UNC13B: variants seen among roughly 807,000 people sequenced by gnomAD.
UNC13B encodes unc-13 homolog B.
Under a neutral mutation model 211.0 loss-of-function variants are expected in UNC13B, and 144 were observed. That is an observed-to-expected ratio of 0.68 (90% CI 0.60 to 0.78). UNC13B has a LOEUF of 0.78. Ranked by LOEUF, UNC13B falls within the 30% of genes least tolerant of loss-of-function variation. UNC13B has a pLI of 0.00. For missense variants in UNC13B, 1,777 were observed against 2,002.0 expected (o/e 0.89, Z 2.14); for synonymous variants, 709 against 725.8 (o/e 0.98, Z 0.37).
chr9:35,263,326 T>C (rs1827384829), intron 7 of UNC13B, among the ~76,000 whole-genome samples: 1 of 137,318 alleles, frequency 7.3e-6, no homozygotes, highest in South Asian at 2.3e-4. Context: ...AATAGGAACA[T>C]TTTCATGGAA....
At chr9:35,202,378 T>G (rs984581979) in intron 1 of UNC13B, among the ~76,000 whole-genome samples, 5 of 151,962 alleles carry the variant, frequency 3.3e-5, no homozygotes, top group Admixed American at 6.6e-5. Context: ...GTTCAATTCT[T>G]GGTGAGTTCA....
At chr9:35,398,677 A>G (rs772620884) in intron 32 of UNC13B, 35 bp downstream of exon 32, 1 of 1,610,084 alleles carries the variant, frequency 6.2e-7, no homozygotes, top group East Asian at 2.2e-5. Context: ...CCTCAGAGCC[A>G]GATGTGGTCC....
At chr9:35,253,142 T>G (rs1826613371) in intron 6 of UNC13B, among the ~76,000 whole-genome samples, 1 of 152,166 alleles carries the variant, frequency 6.6e-6, no homozygotes, top group Non-Finnish European at 1.5e-5. Flanking sequence ...TTCAGCCCAT[T>G]GCAATCATTC....
chr9:35,179,789 C>G (rs1171344939), intron 1 of UNC13B, among the ~76,000 whole-genome samples: 1 of 152,060 alleles, frequency 6.6e-6, no homozygotes, highest in Non-Finnish European at 1.5e-5. Context: ...GAGTAAGACT[C>G]TGTTTCAAAA....
At chr9:35,230,836 G>T (rs1379958552) in intron 2 of UNC13B, among the ~76,000 whole-genome samples, 1 of 151,998 alleles carries the variant, frequency 6.6e-6, no homozygotes, top group Non-Finnish European at 1.5e-5. Flanking sequence ...TCATGAATCT[G>T]TTTCAGTTTG....
At chr9:35,196,493 G>T (rs1002967067) in intron 1 of UNC13B, among the ~76,000 whole-genome samples, 4 of 152,244 alleles carry the variant, frequency 2.6e-5, no homozygotes, top group African/African-American at 7.2e-5. Context: ...TGAGGGTTAG[G>T]TACAGTTCTT....
intron 8 of UNC13B, among the ~76,000 whole-genome samples, chr9:35,297,031 T>C (rs192826350): frequency 3.4e-4 from 52 of 152,208 alleles, no homozygotes; most frequent in African/African-American, 1.2e-3. Flanking sequence ...TCATGTTTCC[T>C]TAGCTTCCTT....
chr9:35,272,248 T>G (rs13295929), intron 7 of UNC13B, among the ~76,000 whole-genome samples: 6 of 147,634 alleles, frequency 4.1e-5, no homozygotes, highest in East Asian at 3.9e-4. Flanking sequence ...GTTTTTTTTG[T>G]TTTTTTTTGT....
chr9:35,217,766 G>A (rs1344388848), intron 1 of UNC13B, among the ~76,000 whole-genome samples: 1 of 152,152 alleles, frequency 6.6e-6, no homozygotes, highest in Non-Finnish European at 1.5e-5. Context: ...AATTAAGGCT[G>A]GGTGCGGTGG....
At chr9:35,385,449 T>C (rs543462476) in intron 22 of UNC13B, 13 of 985,474 alleles carry the variant, frequency 1.3e-5, no homozygotes, top group Non-Finnish European at 1.6e-5. Flanking sequence ...TGTGTTCCTT[T>C]GTACAAGTGC....
chr9:35,248,444 T>C (rs1218543975), intron 6 of UNC13B, among the ~76,000 whole-genome samples: 5 of 152,210 alleles, frequency 3.3e-5, no homozygotes, highest in East Asian at 1.9e-4. Context: ...TTAATTGTGA[T>C]GTTAGGGTGT....
At chr9:35,338,355 G>T (rs1356498709) in intron 11 of UNC13B, among the ~76,000 whole-genome samples, 2 of 152,108 alleles carry the variant, frequency 1.3e-5, no homozygotes, top group Non-Finnish European at 2.9e-5. Context: ...GGCCTGCCTT[G>T]CAGCTTGTCG....
intron 7 of UNC13B, among the ~76,000 whole-genome samples, chr9:35,275,391 T>A (rs376252702): frequency 6.6e-6 from 1 of 152,262 alleles, no homozygotes; most frequent in East Asian, 1.9e-4. Context: ...TGTATAGGAG[T>A]TTTAAAATAT....
rs1362601960 is a variant in UNC13B, at chr9:35,300,869, A to G, written c.1465A>G (p.Thr489Ala). The G allele has an allele frequency of 5.0e-6, 2 of 398,862 alleles. No homozygotes were observed. The highest frequency in any genetic ancestry group is 4.1e-5 in the African/African-American group (2 of 48,628). The allele number at this position is 398,862 out of a possible 1,614,324, so 24.7% of individuals were successfully genotyped here. The change falls in exon 9 of 40, where the codon ACT becomes GCT. Residue 489 changes from threonine (T) to alanine (A), a missense_variant. Coordinates refer to ENST00000635942, the MANE Select transcript of UNC13B (RefSeq NM_001371189.2). ...TAATAGATTTGGTTCACTTTCAAAA[A>G]CTAAAAAATCACATAAACAAAATAG... ...EINRFGSLSK[T>A]KKSHKQNSTL...
chr9:35,190,955 T>C (rs1483159955), intron 1 of UNC13B, among the ~76,000 whole-genome samples: 1 of 152,020 alleles, frequency 6.6e-6, no homozygotes, highest in East Asian at 1.9e-4. Context: ...GTGTACAAGG[T>C]ATTTTCTTTT....
In UNC13B at chr9:35,291,997, C is replaced by T. The variant is rs888615120; in HGVS notation, c.527-3699C>T. Among the ~76,000 whole-genome samples the T allele has an allele frequency of 5.9e-5, 9 of 152,130 alleles. No individual in the cohort carries two copies. In the East Asian group the frequency reaches 9.6e-4, roughly 16 times the overall value. On this transcript the variant is annotated intron_variant, in intron 7 of 39. Coordinates refer to ENST00000635942, the MANE Select transcript of UNC13B (RefSeq NM_001371189.2). ...TTTATATCCTACTGCTCAAGGTCATCGCCAAGCAGTAGGTGACCTCAAGCA... is the reference window on the plus strand; with the variant it reads ...TTTATATCCTACTGCTCAAGGTCATTGCCAAGCAGTAGGTGACCTCAAGCA...
At chr9:35,251,883 T>C (rs1231575631) in intron 6 of UNC13B, among the ~76,000 whole-genome samples, 4 of 152,174 alleles carry the variant, frequency 2.6e-5, no homozygotes, top group African/African-American at 7.2e-5. Context: ...GTAGAGATGG[T>C]GTTTCACCAT....
At position 35,400,293 on chromosome 9, in the gene UNC13B, C is replaced by T; in HGVS notation, c.12337-3C>T. The T allele has an allele frequency of 6.2e-7, 1 of 1,613,398 alleles. No homozygotes were observed. The highest frequency in any genetic ancestry group is 8.5e-7 in the Non-Finnish European group (1 of 1,179,584). ...CAGTCACGGGTGCTCTTTTATCTTG[C>T]AGCAATACTTCCATGCAGGAGGCAA... On this transcript the variant is annotated splice_region_variant and splice_polypyrimidine_tract_variant and intron_variant, in intron 36 of 39. Coordinates refer to ENST00000635942, the MANE Select transcript of UNC13B (RefSeq NM_001371189.2).
intron 13 of UNC13B, 106 bp from the exon 14 acceptor site, chr9:35,375,021 A>C: frequency 9.2e-7 from 1 of 1,087,442 alleles, no homozygotes; most frequent in South Asian, 1.3e-5. Flanking sequence ...AATAGAAAGT[A>C]CTGTAGTAAG....
Sources: gnomAD v4.1 joint callset for allele counts (sites outside exome capture counted in the v4.1 genomes callset) on GRCh38, gnomAD v4.1.1 for gene constraint, MANE v1.5 for transcripts, NCBI Gene and HGNC (gene_info 2026-07-23, HGNC 2026-07-21) for gene names.